Variants in TAFA4 observed in about 807,000 individuals in gnomAD.
TAFA4 encodes the protein chemokine-like protein TAFA-4.
In TAFA4, 20 loss-of-function variants were observed where a neutral mutation model predicts 21.1. The ratio of observed to expected loss-of-function variants is 0.95; its 90% confidence interval spans 0.67 to 1.38. The LOEUF is 1.38. TAFA4 is among the 40% of genes most tolerant of loss of function. The pLI is 0.00. For synonymous variants in TAFA4, 71 were observed against 67.4 expected (o/e 1.05, Z -0.26); for missense variants, 211 against 180.9 (o/e 1.17, Z -0.95).
chr3:68,902,256 A>G (rs968735484), intron 1 of TAFA4, among the ~76,000 whole-genome samples: 3 of 151,172 alleles, frequency 2.0e-5, no homozygotes, highest in Admixed American at 6.6e-5. Flanking sequence ...CCTCTTAACC[A>G]TCGGGCAACT....
chr3:68,743,758 A>G (rs1260393714), intron 4 of TAFA4, among the ~76,000 whole-genome samples: 2 of 152,042 alleles, frequency 1.3e-5, no homozygotes, highest in Non-Finnish European at 2.9e-5. Flanking sequence ...CACAGATAAA[A>G]ACCAGAGCTT....
intron 3 of TAFA4, among the ~76,000 whole-genome samples, chr3:68,766,015 A>G (rs1420458007): frequency 6.6e-6 from 1 of 152,200 alleles, no homozygotes; most frequent in African/African-American, 2.4e-5. Flanking sequence ...TGCTGGGAGA[A>G]AGTCTCCAAT....
At chr3:68,774,508 T>G (rs1466221666) in intron 3 of TAFA4, among the ~76,000 whole-genome samples, 1 of 152,182 alleles carries the variant, frequency 6.6e-6, no homozygotes, top group Non-Finnish European at 1.5e-5. Flanking sequence ...AAATGGAATA[T>G]CAGTAAATGT....
At chr3:68,741,776 A>C (rs751779621) in intron 4 of TAFA4, among the ~76,000 whole-genome samples, 3 of 152,110 alleles carry the variant, frequency 2.0e-5, no homozygotes, top group Admixed American at 6.5e-5. Context: ...TGGGTGACAG[A>C]GCAAGACTCC....
chr3:68,809,852 T>C (rs960463028), intron 3 of TAFA4, among the ~76,000 whole-genome samples: 4 of 152,206 alleles, frequency 2.6e-5, no homozygotes, highest in African/African-American at 4.8e-5. Context: ...TTTGGCACCT[T>C]TGTCAAAAAT....
intron 3 of TAFA4, among the ~76,000 whole-genome samples, chr3:68,876,976 C>G (rs547141231): frequency 6.6e-6 from 1 of 151,734 alleles, no homozygotes; most frequent in African/African-American, 2.4e-5. Context: ...GGCTGAGTCC[C>G]GAAGAGGTTT....
At chr3:68,818,600 A>G (rs1704040768) in intron 3 of TAFA4, among the ~76,000 whole-genome samples, 1 of 152,202 alleles carries the variant, frequency 6.6e-6, no homozygotes, top group Non-Finnish European at 1.5e-5. Flanking sequence ...AAGACTTAGG[A>G]GCCAATGTAG....
At position 68,883,795 on chromosome 3, in the gene TAFA4, T is replaced by C. The variant is rs552805535; in HGVS notation, c.14+1380A>G. On this transcript the variant is annotated intron_variant, in intron 2 of 5. Coordinates refer to ENST00000295569, the MANE Select transcript of TAFA4 (RefSeq NM_182522.5). ...CTATTGAAAATGATCTGGCCATGCA[T>C]GGTGGCTCATGCCTGTAATCCCAGC... is the stretch of plus-strand genomic sequence containing the variant. Among the ~76,000 whole-genome samples the C allele has an allele frequency of 5.9e-5, 9 of 152,186 alleles. 1 individual carries two copies. In the South Asian group the frequency reaches 1.9e-3, roughly 32 times the overall value.
chr3:68,922,627 G>A (rs1299610503), intron 1 of TAFA4, among the ~76,000 whole-genome samples: 1 of 152,158 alleles, frequency 6.6e-6, no homozygotes, highest in Non-Finnish European at 1.5e-5. Flanking sequence ...CATCAAACCA[G>A]AATCTGAGTT....
chr3:68,895,335 G>T (rs755094080), intron 1 of TAFA4, among the ~76,000 whole-genome samples: 1 of 152,106 alleles, frequency 6.6e-6, no homozygotes, highest in Non-Finnish European at 1.5e-5. Flanking sequence ...AGGTTTCACC[G>T]TGTTGGCCAG....
At chr3:68,836,988 A>C (rs2106887427) in intron 3 of TAFA4, among the ~76,000 whole-genome samples, 1 of 152,382 alleles carries the variant, frequency 6.6e-6, no homozygotes, top group South Asian at 2.1e-4. Context: ...GAATTGACAA[A>C]TTATGGCCCA....
At chr3:68,873,398 A>T (rs1278147080) in intron 3 of TAFA4, among the ~76,000 whole-genome samples, 1 of 143,182 alleles carries the variant, frequency 7.0e-6, no homozygotes, top group Admixed American at 7.5e-5. Context: ...AAAAATGCTG[A>T]CCTAGCCATT....
intron 3 of TAFA4, among the ~76,000 whole-genome samples, chr3:68,820,561 T>G (rs1001262291): frequency 6.6e-6 from 1 of 151,778 alleles, no homozygotes; most frequent in African/African-American, 2.4e-5. Context: ...TGCCTATAAT[T>G]CCATCTACTT....
intron 3 of TAFA4, among the ~76,000 whole-genome samples, chr3:68,863,682 T>C (rs2106926747): frequency 6.6e-6 from 1 of 152,276 alleles, no homozygotes; most frequent in East Asian, 1.9e-4. Flanking sequence ...ATTCTTATTA[T>C]TCAGAGCTGC....
Position 68,848,434 on chromosome 3 carries a change from C to G in TAFA4, c.130+32296G>C, listed in dbSNP as rs1704862162. Among the ~76,000 whole-genome samples, 6 of 152,114 alleles carry G rather than the reference C, an allele frequency of 3.9e-5. No individual in the cohort carries two copies. The South Asian group carries it at 8.3e-4, about 21-fold the overall frequency. On this transcript the variant is annotated intron_variant, in intron 3 of 5. Transcript: ENST00000295569. ...TTAGTTCTTTAGACACAAGATATAA[C>G]TGGAGTTTCCTGTGACCTATATGCC...
chr3:68,881,534 C>G (rs2089618319), intron 2 of TAFA4, among the ~76,000 whole-genome samples: 1 of 152,200 alleles, frequency 6.6e-6, no homozygotes, highest in African/African-American at 2.4e-5. Context: ...GCCTAACTTT[C>G]TGCCATTTTA....
intron 3 of TAFA4, among the ~76,000 whole-genome samples, chr3:68,823,225 C>A (rs1238066550): frequency 6.6e-6 from 1 of 152,114 alleles, no homozygotes; most frequent in Non-Finnish European, 1.5e-5. Context: ...AAAATTACAT[C>A]TTTATTTCAT....
At chr3:68,737,686 AAGTTCAAG>A (rs1377766092) in intron 5 of TAFA4, among the ~76,000 whole-genome samples, 10 of 152,326 alleles carry the variant, frequency 6.6e-5, no homozygotes, top group African/African-American at 2.2e-4. Flanking sequence ...CTTAATGTAT[AAGTTCAAG>A]TTCACACTTA....
At chr3:68,921,115 C>T (rs62256133) in intron 1 of TAFA4, among the ~76,000 whole-genome samples, 2 of 151,926 alleles carry the variant, frequency 1.3e-5, no homozygotes, top group Non-Finnish European at 2.9e-5. Context: ...TGACTGATGG[C>T]TCCTAAGGAA....
Sources: gnomAD v4.1 joint callset for allele counts (sites outside exome capture counted in the v4.1 genomes callset) on GRCh38, gnomAD v4.1.1 for gene constraint, MANE v1.5 for transcripts, NCBI Gene and HGNC (gene_info 2026-07-23, HGNC 2026-07-21) for gene names.